Variants in C1orf87 observed in about 807,000 individuals in gnomAD.
C1orf87 encodes uncharacterized protein C1orf87.
In C1orf87, 58 loss-of-function variants were observed where a neutral mutation model predicts 60.5. That is an observed-to-expected ratio of 0.96 (90% CI 0.78 to 1.19). The LOEUF (loss-of-function observed/expected upper bound fraction) is 1.19, where lower values mean the gene tolerates loss of function less well. C1orf87 is among the 50% of genes most tolerant of loss of function. The probability of loss-of-function intolerance (pLI) is 0.00; values close to 1 mark genes in which losing one functional copy is unlikely to be tolerated. For synonymous variants in C1orf87, 236 were observed against 227.4 expected (o/e 1.04, Z -0.34); for missense variants, 673 against 638.6 (o/e 1.05, Z -0.58).
At chr1:60,063,907 T>C (rs1645514151) in intron 2 of C1orf87, among the ~76,000 whole-genome samples, 1 of 152,102 alleles carries the variant, frequency 6.6e-6, no homozygotes, top group South Asian at 2.1e-4. Context: ...TGCAAATTAT[T>C]GATCCTGGGT....
At chr1:60,006,453 C>T (rs1645046103) in intron 9 of C1orf87, among the ~76,000 whole-genome samples, 1 of 151,948 alleles carries the variant, frequency 6.6e-6, no homozygotes, top group African/African-American at 2.4e-5. Context: ...AAAGGGAGGC[C>T]AAGCCTTCAC....
chr1:60,026,664 A>G (rs1645200116), intron 7 of C1orf87, among the ~76,000 whole-genome samples: 1 of 152,198 alleles, frequency 6.6e-6, no homozygotes, highest in Non-Finnish European at 1.5e-5. Flanking sequence ...ACTAAATTAG[A>G]CATTTCTAAT....
chr1:60,060,991 C>A (rs1192764645), intron 2 of C1orf87, among the ~76,000 whole-genome samples: 1 of 152,184 alleles, frequency 6.6e-6, no homozygotes, highest in Admixed American at 6.5e-5. Context: ...AACTGCCTGG[C>A]CTCTTCACCA....
At chr1:60,067,560 GTTTTTTT>G (rs34417479) in intron 2 of C1orf87, among the ~76,000 whole-genome samples, 1 of 58,956 alleles carries the variant, frequency 1.7e-5, no homozygotes, top group Non-Finnish European at 3.3e-5. Flanking sequence ...TTTTGATGGG[GTTTTTTT>G]TTTTTTTTTT....
chr1:60,051,015 T>C (rs1324593440), intron 3 of C1orf87, among the ~76,000 whole-genome samples: 1 of 152,174 alleles, frequency 6.6e-6, no homozygotes, highest in Admixed American at 6.5e-5. Flanking sequence ...GTTGGGACAC[T>C]TATATGGTTA....
At chr1:60,022,931 G>A (rs1382502807) in intron 8 of C1orf87, among the ~76,000 whole-genome samples, 2 of 152,112 alleles carry the variant, frequency 1.3e-5, no homozygotes, top group African/African-American at 4.8e-5. Context: ...AGGCAGAACC[G>A]AGCAGGACAG....
intron 3 of C1orf87, among the ~76,000 whole-genome samples, chr1:60,048,014 C>T (rs977948083): frequency 1.3e-5 from 2 of 152,028 alleles, no homozygotes; most frequent in South Asian, 2.1e-4. Flanking sequence ...CCCAGTGATC[C>T]CTGCTTCCTG....
chr1:60,013,185 G>A (rs1282856035), intron 8 of C1orf87, among the ~76,000 whole-genome samples: 1 of 152,036 alleles, frequency 6.6e-6, no homozygotes, highest in Non-Finnish European at 1.5e-5. Context: ...GCTCTGCAAA[G>A]TTTCTTTAGT....
rs765033703 is a variant in C1orf87 at position 60,033,637 on chromosome 1, G to A, written c.868C>T (p.Pro290Ser). 3.7e-6 allele frequency: 6 copies of A among 1,611,070 alleles called. No individual in the cohort carries two copies. In the African/African-American group the frequency reaches 8.0e-5, roughly 22 times the overall value. ...ESHGTHSQSTPPQHSSSQPEV... is the reference protein window; with the variant it reads ...ESHGTHSQSTSPQHSSSQPEV... ...GGCTGTGAGCTGGAGTGCTGAGGTG[G>A]AGTGCTGATTGTAGGGGAAATGGGG... Residue 290 changes from proline (P) to serine (S), a missense_variant, in exon 7 of 12, where the codon CCA becomes TCA. By Grantham distance (74) the Pro-to-Ser change is moderately conservative. Coordinates refer to ENST00000371201, the MANE Select transcript of C1orf87 (RefSeq NM_152377.3).
intron 4 of C1orf87, 122 bp from the exon 5 acceptor site, chr1:60,040,302 G>GGC: frequency 1.6e-6 from 2 of 1,248,696 alleles, no homozygotes; most frequent in Non-Finnish European, 2.2e-6. Context: ...CTGGCCTGGA[G>GGC]CAGGACAAGT....
intron 7 of C1orf87, among the ~76,000 whole-genome samples, chr1:60,032,625 G>T (rs146753843): frequency 6.6e-6 from 1 of 151,730 alleles, no homozygotes; most frequent in Non-Finnish European, 1.5e-5. Context: ...ATTTTTAGTA[G>T]AGATGGGGTT....
chr1:60,037,625 C>T (rs539770986), intron 6 of C1orf87, among the ~76,000 whole-genome samples: 3 of 152,194 alleles, frequency 2.0e-5, no homozygotes, highest in South Asian at 2.1e-4. Flanking sequence ...ATGACCTCAT[C>T]GCCTCCTATT....
chr1:60,051,505 A>G (rs1360598054), intron 3 of C1orf87, among the ~76,000 whole-genome samples: 1 of 152,228 alleles, frequency 6.6e-6, no homozygotes, highest in East Asian at 1.9e-4. Context: ...ACAAGAAAAC[A>G]CAGAGCAGAC....
chr1:60,002,142 TCTCA>T (rs1277067977), intron 9 of C1orf87, among the ~76,000 whole-genome samples: 1 of 152,084 alleles, frequency 6.6e-6, no homozygotes, highest in African/African-American at 2.4e-5. Context: ...CTAAATTGAG[TCTCA>T]CTATTTTTAA....
chr1:59,997,143 T>G (rs1341998530), intron 11 of C1orf87, among the ~76,000 whole-genome samples: 1 of 152,056 alleles, frequency 6.6e-6, no homozygotes, highest in Non-Finnish European at 1.5e-5. Flanking sequence ...GGCTGGGAGT[T>G]AGAAATGGCA....
At chr1:60,015,249 A>G (rs1645117211) in intron 8 of C1orf87, among the ~76,000 whole-genome samples, 1 of 152,046 alleles carries the variant, frequency 6.6e-6, no homozygotes, top group Non-Finnish European at 1.5e-5. Context: ...CCTAAGAGAC[A>G]CCCTTTTCTG....
Position 59,997,648 on chromosome 1 carries a change from G to T in C1orf87, c.1441C>A (p.Leu481Met). ...TCACACAGGTAGAGGGCATTTTCCAGCTTCCTGAACCTGTCTATCCACGTC... is the reference window on the plus strand; with the variant it reads ...TCACACAGGTAGAGGGCATTTTCCATCTTCCTGAACCTGTCTATCCACGTC... ...CETWIDRFRK[L>M]ENALYLCDLS... The change falls in exon 11 of 12, where the codon CTG becomes ATG. Residue 481 changes from leucine (L) to methionine (M), a missense_variant. Leu to Met is a conservative substitution (Grantham distance 15, BLOSUM62 2). Coordinates refer to ENST00000371201, the MANE Select transcript of C1orf87 (RefSeq NM_152377.3). 6.2e-7 allele frequency: 1 copy of T among 1,613,886 alleles called. No homozygotes were observed. Among genetic ancestry groups the T allele is most frequent in the Non-Finnish European group, 8.5e-7 (1 of 1,179,858 alleles).
chr1:60,044,324 C>G (rs1161693266), intron 3 of C1orf87, among the ~76,000 whole-genome samples: 1 of 152,174 alleles, frequency 6.6e-6, no homozygotes, highest in Admixed American at 6.5e-5. Context: ...GCCACCACGC[C>G]CAGCCACAGA....
chr1:60,038,858 T>G (rs1645297462), intron 5 of C1orf87, among the ~76,000 whole-genome samples: 1 of 152,196 alleles, frequency 6.6e-6, no homozygotes, highest in South Asian at 2.1e-4. Context: ...CTAGGGACTC[T>G]GGTGGACAGA....
Sources: allele counts gnomAD v4.1 joint callset (sites outside exome capture counted in the v4.1 genomes callset), GRCh38; gene constraint gnomAD v4.1.1; transcripts MANE v1.5; gene names NCBI Gene and HGNC (gene_info 2026-07-23, HGNC 2026-07-21).